The following TIAM2 variants were observed in gnomAD, a reference collection of about 807,000 sequenced individuals.
The protein encoded by TIAM2 is rho guanine nucleotide exchange factor TIAM2.
TIAM2 carries 80 observed loss-of-function variants against 152.9 expected under a neutral mutation model. The observed-to-expected ratio is 0.52, with a 90% CI of 0.44 to 0.63. The LOEUF (loss-of-function observed/expected upper bound fraction) is 0.63, where lower values mean the gene tolerates loss of function less well. TIAM2 is among the 30% of genes least tolerant of loss of function. The pLI is 0.00. For missense variants in TIAM2, 1,965 were observed against 2,120.1 expected, an observed-to-expected ratio of 0.93 and a Z score of 1.44; for synonymous variants, 804 against 838.0, an observed-to-expected ratio of 0.96 and a Z score of 0.70.
At chr6:155,126,901 C>G (rs1048374480) in intron 2 of TIAM2, among the ~76,000 whole-genome samples, 1 of 151,864 alleles carries the variant, frequency 6.6e-6, no homozygotes, top group Admixed American at 6.6e-5. Context: ...GCAGTGAGCA[C>G]GGCCAGAGGG....
intron 1 of TIAM2, among the ~76,000 whole-genome samples, chr6:155,089,448 C>A (rs1778249531): frequency 6.6e-6 from 1 of 152,166 alleles, no homozygotes; most frequent in Admixed American, 6.5e-5. Flanking sequence ...CTCAAGTGAT[C>A]CGCCCACCTT....
intron 25 of TIAM2, 99 bp from the exon 26 acceptor site, chr6:155,254,314 AGCCTGG>A: frequency 6.8e-7 from 1 of 1,460,582 alleles, no homozygotes; most frequent in Non-Finnish European, 9.3e-7. Context: ...GCTGGCTGGC[AGCCTGG>A]TCCAGCAGGT....
intron 14 of TIAM2, among the ~76,000 whole-genome samples, chr6:155,203,366 C>A (rs1781523216): frequency 6.6e-6 from 1 of 152,070 alleles, no homozygotes; most frequent in Non-Finnish European, 1.5e-5. Flanking sequence ...ATCTAAAATT[C>A]TTTGATTCTC....
chr6:155,063,535 G>A (rs1306105959), intron 1 of TIAM2, among the ~76,000 whole-genome samples: 2 of 152,118 alleles, frequency 1.3e-5, no homozygotes, highest in African/African-American at 4.8e-5. Flanking sequence ...TGTAATCCCA[G>A]CACTTTGGAA....
At chr6:155,103,393 T>C (rs1778590657) in intron 2 of TIAM2, among the ~76,000 whole-genome samples, 2 of 152,082 alleles carry the variant, frequency 1.3e-5, no homozygotes, top group African/African-American at 4.8e-5. Flanking sequence ...ATATAAAATG[T>C]ATCAAAAGGT....
chr6:155,154,137 T>C (rs961149230), intron 7 of TIAM2, among the ~76,000 whole-genome samples: 2 of 152,206 alleles, frequency 1.3e-5, no homozygotes, highest in East Asian at 3.8e-4. Flanking sequence ...TTTAAAAATA[T>C]CTGTAAAAGA....
At chr6:155,240,256 T>C (rs1189255227) in intron 15 of TIAM2, among the ~76,000 whole-genome samples, 4 of 152,252 alleles carry the variant, frequency 2.6e-5, no homozygotes, top group Non-Finnish European at 5.9e-5. Flanking sequence ...GCAATGACTC[T>C]GTAATTTCAG....
chr6:155,249,658 G>A (rs182716394), intron 20 of TIAM2, among the ~76,000 whole-genome samples, 193 bp from the exon 21 acceptor site: 1 of 152,306 alleles, frequency 6.6e-6, no homozygotes, highest in Non-Finnish European at 1.5e-5. Flanking sequence ...TGAAGTAGGA[G>A]ATAATTTTGC....
At chr6:155,076,915 C>T (rs1207940707) in intron 1 of TIAM2, among the ~76,000 whole-genome samples, 2 of 152,160 alleles carry the variant, frequency 1.3e-5, no homozygotes, top group African/African-American at 2.4e-5. Context: ...AGGCTGGTCT[C>T]GAACTCCTGA....
At chr6:155,244,596 T>A (rs767140354) in intron 17 of TIAM2, 62 bp from the exon 18 acceptor site, 18 of 1,571,532 alleles carry the variant, frequency 1.1e-5, no homozygotes, top group Non-Finnish European at 1.5e-5. Flanking sequence ...GGCCTAAGAG[T>A]TAGCGTGGTG....
intron 2 of TIAM2, among the ~76,000 whole-genome samples, chr6:155,094,664 C>T (rs185568142): frequency 1.3e-5 from 2 of 151,494 alleles, no homozygotes; most frequent in East Asian, 3.9e-4. Flanking sequence ...ATCTGCCCAC[C>T]TCAGCCTCCT....
chr6:155,137,084 A>G (rs1356561076), intron 4 of TIAM2, 93 bp from the exon 5 acceptor site: 1 of 1,325,080 alleles, frequency 7.5e-7, no homozygotes, highest in African/African-American at 1.5e-5. Flanking sequence ...TTACATTATC[A>G]GCAGCCACTG....
At chr6:155,119,501 G>A (rs971492425) in intron 2 of TIAM2, among the ~76,000 whole-genome samples, 2 of 151,876 alleles carry the variant, frequency 1.3e-5, no homozygotes, top group East Asian at 1.9e-4. Context: ...CACTGTGACC[G>A]GCTAATTTTT....
chr6:155,114,036 A>ATATATTTTTTTTTTTTT, intron 2 of TIAM2, among the ~76,000 whole-genome samples: 10 of 34,906 alleles, frequency 2.9e-4, no homozygotes, highest in East Asian at 7.1e-4. Flanking sequence ...ATATATATAT[A>ATATATTTTTTTTTTTTT]TTTTTTTTTT....
At chr6:155,068,607 C>CCCA (rs1554228062) in intron 1 of TIAM2, among the ~76,000 whole-genome samples, 2 of 150,398 alleles carry the variant, frequency 1.3e-5, no homozygotes, top group Non-Finnish European at 3.0e-5. Context: ...CACCCGCCCC[C>CCCA]CCATCACGTC....
chr6:155,022,117 A>G (rs1188870550), intron 1 of TIAM2, among the ~76,000 whole-genome samples: 1 of 152,046 alleles, frequency 6.6e-6, no homozygotes, highest in African/African-American at 2.4e-5. Context: ...AAATGAACTC[A>G]CTCGTCCTGA....
At chr6:155,042,485 C>T (rs529859187) in intron 1 of TIAM2, among the ~76,000 whole-genome samples, 7 of 152,072 alleles carry the variant, frequency 4.6e-5, no homozygotes, top group Non-Finnish European at 8.8e-5. Flanking sequence ...CCAGCTTACT[C>T]GGGAGGCTGA....
At chr6:155,011,803 C>T (rs1778493768) in intron 1 of TIAM2, among the ~76,000 whole-genome samples, 1 of 152,212 alleles carries the variant, frequency 6.6e-6, no homozygotes, top group South Asian at 2.1e-4. Flanking sequence ...CTTCTGCAAA[C>T]AGACACTTTT....
At chr6:155,028,693 A>G (rs1224618776) in intron 1 of TIAM2, among the ~76,000 whole-genome samples, 2 of 128,890 alleles carry the variant, frequency 1.6e-5, no homozygotes, top group Non-Finnish European at 3.1e-5. Context: ...TACATATAAT[A>G]TATATACTGT....
Sources: allele counts gnomAD v4.1 joint callset (sites outside exome capture counted in the v4.1 genomes callset), GRCh38; gene constraint gnomAD v4.1.1; transcripts MANE v1.5; gene names NCBI Gene and HGNC (gene_info 2026-07-23, HGNC 2026-07-21).